The following C8G variants were observed in gnomAD, a reference collection of about 807,000 sequenced individuals.
The protein encoded by C8G is complement component C8 gamma chain.
A neutral mutation model predicts 29.1 loss-of-function variants in C8G; 38 were observed. That is an observed-to-expected ratio of 1.31 (90% CI 1.01 to 1.71). The LOEUF (loss-of-function observed/expected upper bound fraction) is 1.71. C8G is among the 40% of genes most tolerant of loss of function. C8G has a pLI of 0.00. For synonymous variants in C8G, 158 were observed against 113.2 expected (o/e 1.40, Z -2.51); for missense variants, 300 against 267.4 (o/e 1.12, Z -0.85).
Position 136,945,924 on chromosome 9 carries a change from C to A in C8G, c.276-5C>A, listed in dbSNP as rs375874602. The A allele has an allele frequency of 3.8e-6, 6 of 1,558,876 alleles. No individual in the cohort carries two copies. The highest frequency in any genetic ancestry group is 1.8e-4 in the Middle Eastern group (1 of 5,648). On this transcript the variant is annotated splice_polypyrimidine_tract_variant and splice_region_variant and intron_variant, in intron 2 of 6. Transcript: ENST00000371634. ...GCCTGTGGTGCCTCCTCCCCGCCCC[C>A]CCAGGGATGGGATCTGCTGGCAGGT...
Position 136,945,950 on chromosome 9 carries a change from G to A in C8G, c.297G>A (p.Val99=), listed in dbSNP as rs1271390559. 1.9e-6 allele frequency: 3 copies of A among 1,566,456 alleles called. No individual in the cohort carries two copies. Among genetic ancestry groups the A allele is most frequent in the African/African-American group, 1.4e-5 (1 of 73,824 alleles). ...CCAGGGATGGGATCTGCTGGCAGGTGCGCCAGCTCTATGGAGACACAGGGG... is the reference window on the plus strand; with the variant it reads ...CCAGGGATGGGATCTGCTGGCAGGTACGCCAGCTCTATGGAGACACAGGGG... ...FRKLDGICWQ[V]RQLYGDTGVL... Residue 99 remains valine, a synonymous_variant, in exon 3 of 7, where the codon GTG becomes GTA. Transcript: ENST00000371634.
Position 136,945,455 on chromosome 9 carries a change from G to A in C8G, c.135G>A (p.Gln45=), listed in dbSNP as rs960898719. 6.4e-7 allele frequency: 1 copy of A among 1,568,362 alleles called. No homozygotes were observed. The highest frequency in any genetic ancestry group is 8.6e-7 in the Non-Finnish European group (1 of 1,156,468). ...AGCCCAAGGCCAATTTTGATGCTCA[G>A]CAGGTAGAAGTTGGGGGGGGTAGAG... ...TIQPKANFDA[Q]QFAGTWLLVA... Residue 45 remains glutamine, a synonymous_variant, in exon 1 of 7, where the codon CAG becomes CAA. Coordinates refer to ENST00000371634, the MANE Select transcript of C8G (RefSeq NM_000606.3).
intron 2 of C8G, 22 bp from the exon 3 acceptor site, chr9:136,945,907 T>C: frequency 6.4e-7 from 1 of 1,552,008 alleles, no homozygotes; most frequent in Non-Finnish European, 8.7e-7. Context: ...CAGCCTGTGG[T>C]GCCTCCTCCC....
Position 136,946,459 on chromosome 9 carries a change from C to A in C8G, c.455-6C>A. 1 of 1,592,128 alleles carries A rather than the reference C, an allele frequency of 6.3e-7. No individual in the cohort carries two copies. The highest frequency in any genetic ancestry group is 8.6e-7 in the Non-Finnish European group (1 of 1,168,466). On this transcript the variant is annotated splice_region_variant and splice_polypyrimidine_tract_variant and intron_variant, in intron 4 of 6. Transcript: ENST00000371634. ...CAGGACCCCAGGAACCCTGTCTGCC[C>A]TGCAGCCCGCTCGCTCCCTGTGAGC... is the stretch of plus-strand genomic sequence containing the variant.
chr9:136,945,270 G>T lies in C8G; in HGVS notation c.-51G>T, dbSNP rs755709435. The T allele has an allele frequency of 3.2e-6, 5 of 1,544,496 alleles. 1 individual carries two copies. In the South Asian group the frequency reaches 4.8e-5, roughly 15 times the overall value. On this transcript the variant is annotated 5_prime_UTR_variant, in exon 1 of 7. Coordinates refer to ENST00000371634, the MANE Select transcript of C8G (RefSeq NM_000606.3). ...CAGAGTAGACTCTGTCCTGGGACTT[G>T]GTGGTGCTACCCTTGGCCTCCCACA... is the stretch of plus-strand genomic sequence containing the variant.
intron 4 of C8G, 122 bp from the exon 5 acceptor site, chr9:136,946,339 TGACA>T (rs755911820): frequency 4.2e-5 from 60 of 1,413,678 alleles, no homozygotes; most frequent in African/African-American, 2.2e-4. Flanking sequence ...CAGGGAGTAG[TGACA>T]GACAGGCCTG....
rs765655069 is a variant in C8G, at chr9:136,945,433, C to A, written c.113C>A (p.Pro38His). 6.3e-7 allele frequency: 1 copy of A among 1,585,964 alleles called. No individual in the cohort carries two copies. Among genetic ancestry groups the A allele is most frequent in the Non-Finnish European group, 8.6e-7 (1 of 1,166,254 alleles). Residue 38 changes from proline to histidine, a missense_variant, in exon 1 of 7, where the codon CCC becomes CAC. Transcript: ENST00000371634. Reference sequence around the variant, plus strand: ...GCATCCCCCATCAGCACCATCCAGCCCAAGGCCAATTTTGATGCTCAGCAG... The same window carrying A: ...GCATCCCCCATCAGCACCATCCAGCACAAGGCCAATTTTGATGCTCAGCAG... ...RPASPISTIQ[P>H]KANFDAQQFA...
chr9:136,945,472 G>T lies in C8G; in HGVS notation c.138+14G>T. 1.9e-6 allele frequency: 3 copies of T among 1,561,878 alleles called. No individual in the cohort carries two copies. The highest frequency in any genetic ancestry group is 2.4e-5 in the East Asian group (1 of 42,012). ...GATGCTCAGCAGGTAGAAGTTGGGG[G>T]GGGTAGAGGGAGGCAGGTAGAAGTT... On this transcript the variant is annotated intron_variant, in intron 1 of 6. Transcript: ENST00000371634.
Position 136,946,677 on chromosome 9 carries a change from C to T in C8G, c.583C>T (p.His195Tyr). The T allele has an allele frequency of 2.5e-6, 4 of 1,612,820 alleles. No homozygotes were observed. The highest frequency in any genetic ancestry group is 3.4e-6 in the Non-Finnish European group (4 of 1,179,988). ...YGFCEAADQF[H>Y]VLDEVRR ...CTTCTGCGAGGCTGCAGACCAGTTCCACGTCCTGGACGGTGAGTGCACAGC... is the reference window on the plus strand; with the variant it reads ...CTTCTGCGAGGCTGCAGACCAGTTCTACGTCCTGGACGGTGAGTGCACAGC... Residue 195 changes from histidine to tyrosine, a missense_variant, in exon 6 of 7, where the codon CAC (histidine) becomes TAC (tyrosine). By Grantham distance (83) the His-to-Tyr change is moderately conservative. Transcript: ENST00000371634.
At position 136,945,400 on chromosome 9, in the gene C8G, G is replaced by T; in HGVS notation, c.80G>T (p.Arg27Leu). The change falls in exon 1 of 7, where the codon CGC becomes CTC. Residue 27 changes from arginine (R) to leucine (L), a missense_variant. By Grantham distance (102) the Arg-to-Leu change is moderately radical. Transcript: ENST00000371634. The part of the protein sequence containing the change: ...GSLGQKPQRP[R>L]RPASPISTIQ... Reference sequence around the variant, plus strand: ...CTGGGCCAGAAGCCTCAGAGGCCACGCCGGCCCGCATCCCCCATCAGCACC... The same window carrying T: ...CTGGGCCAGAAGCCTCAGAGGCCACTCCGGCCCGCATCCCCCATCAGCACC... 1 of 1,607,080 alleles carries T rather than the reference G, an allele frequency of 6.2e-7. No individual in the cohort carries two copies.
chr9:136,945,785 A>C lies in C8G; in HGVS notation c.275+15A>C. Reference sequence around the variant, plus strand: ...TTCCGAAAGCTGTGAGTCCCAGAGCAGCCCTGCACCCTAACCCCAACCCTC... The same window carrying C: ...TTCCGAAAGCTGTGAGTCCCAGAGCCGCCCTGCACCCTAACCCCAACCCTC... On this transcript the variant is annotated intron_variant, in intron 2 of 6. Transcript: ENST00000371634. 1 of 1,544,374 alleles carries C rather than the reference A, an allele frequency of 6.5e-7. No individual in the cohort carries two copies. The highest frequency in any genetic ancestry group is 8.7e-7 in the Non-Finnish European group (1 of 1,144,354).
chr9:136,946,381 G>A (rs768114344), intron 4 of C8G, 84 bp from the exon 5 acceptor site: 35 of 1,479,124 alleles, frequency 2.4e-5, no homozygotes, highest in Non-Finnish European at 3.1e-5. Context: ...GGGCCCCGAG[G>A]GGGCAGGGGA....
Position 136,945,441 on chromosome 9 carries a change from A to T in C8G, c.121A>T (p.Asn41Tyr), listed in dbSNP as rs557417207. Reference protein sequence around the residue: ...SPISTIQPKANFDAQQFAGTW... With the variant: ...SPISTIQPKAYFDAQQFAGTW... ...CATCAGCACCATCCAGCCCAAGGCC[A>T]ATTTTGATGCTCAGCAGGTAGAAGT... The change falls in exon 1 of 7, where the codon AAT (asparagine) becomes TAT (tyrosine). Residue 41 changes from asparagine to tyrosine, a missense_variant. Asn to Tyr is a moderately radical substitution (Grantham distance 143). Coordinates refer to ENST00000371634, the MANE Select transcript of C8G (RefSeq NM_000606.3). The T allele has an allele frequency of 6.3e-7, 1 of 1,581,548 alleles. No homozygotes were observed. The highest frequency in any genetic ancestry group is 2.3e-5 in the East Asian group (1 of 43,412).
rs148013051 is a variant in C8G, at chr9:136,945,395, G to T, written c.75G>T (p.Arg25Ser). ...GCTCGCTGGGCCAGAAGCCTCAGAG[G>T]CCACGCCGGCCCGCATCCCCCATCA... ...AAGSLGQKPQ[R>S]PRRPASPIST... Residue 25 changes from arginine to serine, a missense_variant, in exon 1 of 7, where the codon AGG becomes AGT. Physicochemically the swap from Arg to Ser is moderately radical, Grantham distance 110. Coordinates refer to ENST00000371634, the MANE Select transcript of C8G (RefSeq NM_000606.3). The T allele has an allele frequency of 1.8e-5, 29 of 1,609,486 alleles. No individual in the cohort carries two copies. In the African/African-American group the frequency reaches 3.5e-4, roughly 19 times the overall value.
At chr9:136,946,725 G>C in intron 6 of C8G, 36 bp downstream of exon 6, 1 of 1,609,846 alleles carries the variant, frequency 6.2e-7, no homozygotes. Flanking sequence ...GCGGCGTGGT[G>C]AGGGGGGCCA....
At chr9:136,946,223 A>C in intron 4 of C8G, 31 bp downstream of exon 4, 1 of 1,519,078 alleles carries the variant, frequency 6.6e-7, no homozygotes, top group African/African-American at 1.4e-5. Flanking sequence ...GTGACCAGGC[A>C]GGCGCTCAAG....
Position 136,946,677 on chromosome 9 carries a change from CACGTCCTGG to C in C8G, c.587_595del (p.Val196_Asp198del), listed in dbSNP as rs747092862. ...CTTCTGCGAGGCTGCAGACCAGTTC[CACGTCCTGG>C]ACGGTGAGTGCACAGCGGGGCAAGC... On this transcript the variant is annotated inframe_deletion, in exon 6 of 7. Transcript: ENST00000371634. 1 of 1,612,820 alleles carries C rather than the reference CACGTCCTGG, an allele frequency of 6.2e-7. No individual in the cohort carries two copies. Among genetic ancestry groups the C allele is most frequent in the Admixed American group, 1.7e-5 (1 of 60,018 alleles).
At chr9:136,946,628 T>C (rs1170983868) in intron 5 of C8G, 23 bp from the exon 6 acceptor site, 1 of 1,613,200 alleles carries the variant, frequency 6.2e-7, no homozygotes, top group South Asian at 1.1e-5. Flanking sequence ...ATGTCCAGCC[T>C]GACCCCTGCC....
chr9:136,945,920 C>CT lies in C8G; in HGVS notation c.276-9_276-8insT, dbSNP rs1564441592. The CT allele has an allele frequency of 1.3e-6, 2 of 1,545,052 alleles. No individual in the cohort carries two copies. Among genetic ancestry groups the CT allele is most frequent in the Non-Finnish European group, 1.7e-6 (2 of 1,143,504 alleles). ...CCCAGCCTGTGGTGCCTCCTCCCCG[C>CT]CCCCCCAGGGATGGGATCTGCTGGC... On this transcript the variant is annotated splice_polypyrimidine_tract_variant and intron_variant, in intron 2 of 6. Coordinates refer to ENST00000371634, the MANE Select transcript of C8G (RefSeq NM_000606.3).
Sources: gnomAD v4.1 joint callset for allele counts on GRCh38, gnomAD v4.1.1 for gene constraint, MANE v1.5 for transcripts, NCBI Gene and HGNC (gene_info 2026-07-23, HGNC 2026-07-21) for gene names.